Variants in PCDHGA10 observed in about 807,000 individuals in gnomAD.
PCDHGA10 encodes protocadherin gamma subfamily A, 10.
A neutral mutation model predicts 59.5 loss-of-function variants in PCDHGA10; 42 were observed. The observed-to-expected ratio is 0.71, with a 90% confidence interval of 0.55 to 0.91. The LOEUF (loss-of-function observed/expected upper bound fraction) is 0.91, where lower values mean the gene tolerates loss of function less well. Among genes scored for constraint, PCDHGA10 ranks in the 40% least tolerant of loss-of-function variants. The pLI, the probability that PCDHGA10 is intolerant of heterozygous loss-of-function variation, is 0.00. For synonymous variants in PCDHGA10, 511 were observed against 517.2 expected, an observed-to-expected ratio of 0.99 and a Z score of 0.16; for missense variants, 1,111 against 1,198.2, an observed-to-expected ratio of 0.93 and a Z score of 1.07.
chr5:141,498,002 C>T (rs1442305270), intron 2 of PCDHGA10, among the ~76,000 whole-genome samples: 2 of 152,178 alleles, frequency 1.3e-5, no homozygotes, highest in East Asian at 1.9e-4. Flanking sequence ...AAGGAGTTTA[C>T]AGTGCACTGA....
chr5:141,497,824 T>G (rs1164705269), intron 2 of PCDHGA10, among the ~76,000 whole-genome samples: 1 of 152,086 alleles, frequency 6.6e-6, no homozygotes, highest in African/African-American at 2.4e-5. Flanking sequence ...ACAGGTGTGA[T>G]CGCCCCCGGC....
intron 1 of PCDHGA10, among the ~76,000 whole-genome samples, chr5:141,429,780 A>G (rs1301908729): frequency 1.3e-5 from 2 of 152,222 alleles, no homozygotes; most frequent in Non-Finnish European, 2.9e-5. Flanking sequence ...ATGGGCTTCC[A>G]AAAGTATTAC....
chr5:141,430,984 C>G (rs765063685), intron 1 of PCDHGA10: 2 of 1,613,530 alleles, frequency 1.2e-6, no homozygotes, highest in Non-Finnish European at 1.7e-6. Flanking sequence ...CGCAGCTTTT[C>G]GCCCTGAATC....
intron 2 of PCDHGA10, among the ~76,000 whole-genome samples, chr5:141,504,960 T>C (rs9324851): frequency 0.59 from 89,328 of 151,916 alleles, 27,885 homozygotes; most frequent in African/African-American, 0.8. Context: ...TTCAATGCAT[T>C]GGACCAGCCT....
chr5:141,427,854 TGC>T (rs2097079964), intron 1 of PCDHGA10: 1 of 1,553,594 alleles, frequency 6.4e-7, no homozygotes, highest in Non-Finnish European at 8.8e-7. Context: ...CGAGCAGCTG[TGC>T]GCCTTCGAGC....
intron 1 of PCDHGA10, chr5:141,468,667 CCATCCTGGCTAA>C (rs2099172391): frequency 6.7e-6 from 1 of 149,836 alleles, no homozygotes; most frequent in African/African-American, 2.5e-5. Flanking sequence ...GAGATCAAGA[CCATCCTGGCTAA>C]CACGGTGAAA....
In PCDHGA10 at chr5:141,456,564, A is replaced by G. The variant is rs1174191537; in HGVS notation, c.2437-38243A>G. ...TTGTAGCCACTCGGGGCTGAAGCCC[A>G]CATTTTCCCTGAGCCTGTCAATAAT... On this transcript the variant is annotated intron_variant, in intron 1 of 3. Coordinates refer to ENST00000398610, the MANE Select transcript of PCDHGA10 (RefSeq NM_018913.3). Among the ~76,000 whole-genome samples the G allele has an allele frequency of 2.6e-5, 4 of 152,338 alleles. No individual in the cohort carries two copies. The South Asian group carries it at 6.2e-4, about 24-fold the overall frequency.
intron 1 of PCDHGA10, chr5:141,475,814 TC>T: frequency 3.0e-6 from 1 of 338,520 alleles, no homozygotes; most frequent in Non-Finnish European, 5.4e-6. Flanking sequence ...AAAGTGAAGT[TC>T]CTGGCGCTAG....
chr5:141,507,495 G>A (rs375483743), intron 3 of PCDHGA10, among the ~76,000 whole-genome samples: 5 of 152,352 alleles, frequency 3.3e-5, no homozygotes, highest in East Asian at 3.9e-4. Flanking sequence ...AGGCAGAGCT[G>A]TCCCAGGTCT....
At chr5:141,420,046 A>G (rs772981030) in intron 1 of PCDHGA10, 6 of 1,614,048 alleles carry the variant, frequency 3.7e-6, no homozygotes, top group South Asian at 1.1e-5. Context: ...GCTTTGAGTC[A>G]GTTCTCTGCT....
At chr5:141,421,483 A>C in intron 1 of PCDHGA10, 4 of 1,614,128 alleles carry the variant, frequency 2.5e-6, no homozygotes, top group Non-Finnish European at 3.4e-6. Context: ...CGGCAGCTTG[A>C]TCACGGCAGG....
At chr5:141,475,282 G>C (rs942761003) in intron 1 of PCDHGA10, among the ~76,000 whole-genome samples, 2 of 152,150 alleles carry the variant, frequency 1.3e-5, no homozygotes, top group African/African-American at 4.8e-5. Context: ...TGAAAGACAG[G>C]GTAGGGAAAT....
intron 1 of PCDHGA10, chr5:141,478,289 G>A (rs1210628852): frequency 1.2e-6 from 2 of 1,614,146 alleles, no homozygotes; most frequent in African/African-American, 2.7e-5. Context: ...GCAGTCTAGA[G>A]ACCTATACCG....
At chr5:141,467,178 A>C (rs1344437465) in intron 1 of PCDHGA10, among the ~76,000 whole-genome samples, 1 of 151,604 alleles carries the variant, frequency 6.6e-6, no homozygotes, top group Non-Finnish European at 1.5e-5. Flanking sequence ...TCAGCCTCCC[A>C]AGTAGCTGGG....
At chr5:141,422,791 G>T (rs2096673253) in intron 1 of PCDHGA10, 2 of 1,614,020 alleles carry the variant, frequency 1.2e-6, no homozygotes, top group South Asian at 1.1e-5. Context: ...ACAATCCTTC[G>T]ACTATGAGCA....
chr5:141,421,784 G>C, intron 1 of PCDHGA10: 1 of 1,613,874 alleles, frequency 6.2e-7, no homozygotes, highest in Non-Finnish European at 8.5e-7. Context: ...CTGCGGGGCA[G>C]AACGGATGGG....
In PCDHGA10 at chr5:141,490,363, C is replaced by T. The variant is rs779932482; in HGVS notation, c.2437-4444C>T. 10 of 1,614,036 alleles carry T rather than the reference C, an allele frequency of 6.2e-6. No individual in the cohort carries two copies. The highest frequency in any genetic ancestry group is 1.3e-5 in the African/African-American group (1 of 74,904). The stretch of plus-strand genomic sequence containing the variant: ...CACAGTAGTGGGGTTGTTTAATGTG[C>T]GAGACCGGGACTCAGGTAGAAATGG... On this transcript the variant is annotated intron_variant, in intron 1 of 3. Coordinates refer to ENST00000398610, the MANE Select transcript of PCDHGA10 (RefSeq NM_018913.3). The surrounding 1 kb of genome is among the most constrained non-coding windows in gnomAD (Gnocchi z 5.4).
At chr5:141,498,971 G>GGGAGGGAAGGAAGGAA (rs2099787588) in intron 2 of PCDHGA10, among the ~76,000 whole-genome samples, 1 of 110,970 alleles carries the variant, frequency 9.0e-6, no homozygotes, top group African/African-American at 3.6e-5. Flanking sequence ...GAGGGAGGGA[G>GGGAGGGAAGGAAGGAA]GGAAGGAAGG....
chr5:141,481,901 G>A (rs1297925755), intron 1 of PCDHGA10, among the ~76,000 whole-genome samples: 2 of 125,298 alleles, frequency 1.6e-5, no homozygotes, highest in Non-Finnish European at 3.2e-5. Context: ...GTGAAAGAGC[G>A]AAACTCCATC....
Sources: gnomAD v4.1 joint callset for allele counts (sites outside exome capture counted in the v4.1 genomes callset) on GRCh38, gnomAD v4.1.1 for gene constraint, Gnocchi (gnomAD v3.1) non-coding constraint, MANE v1.5 for transcripts, NCBI Gene and HGNC (gene_info 2026-07-23, HGNC 2026-07-21) for gene names.